Variants in DST observed in about 807,000 individuals in gnomAD.
The protein encoded by DST is dystonin.
A neutral mutation model predicts 875.2 loss-of-function variants in DST; 253 were observed. That is an observed-to-expected ratio of 0.29 (90% CI 0.26 to 0.32). The LOEUF is 0.32. Among genes scored for constraint, DST ranks in the 10% least tolerant of loss-of-function variants. The pLI is 1.00. For synonymous variants in DST, 3,124 were observed against 3,197.1 expected (o/e 0.98, Z 0.77); for missense variants, 8,287 against 9,111.6 (o/e 0.91, Z 3.68).
At chr6:56,735,148 C>T in intron 5 of DST, 80 bp downstream of exon 5, 1 of 933,430 alleles carries the variant, frequency 1.1e-6, no homozygotes, top group Non-Finnish European at 1.7e-6. Flanking sequence ...AGTTGTGCTT[C>T]AGAGCTATAT....
chr6:56,711,613 C>T (rs1434752191), intron 5 of DST, among the ~76,000 whole-genome samples: 1 of 152,088 alleles, frequency 6.6e-6, no homozygotes, highest in African/African-American at 2.4e-5. Flanking sequence ...ATATACTCTG[C>T]ATAGTATATC....
intron 10 of DST, among the ~76,000 whole-genome samples, chr6:56,666,737 C>CTT (rs111274857): frequency 1.4e-5 from 2 of 139,480 alleles, no homozygotes; most frequent in African/African-American, 2.6e-5. Flanking sequence ...AAAAACTACT[C>CTT]TTTTTTTTTT....
In DST at chr6:56,541,037, G is replaced by A. The variant is rs768146237; in HGVS notation, c.16609-4097C>T. 2.0e-4 allele frequency: 30 copies of A among 152,760 alleles called. No individual in the cohort carries two copies. The South Asian group carries it at 3.1e-3, about 16-fold the overall frequency. 9.5% of individuals were successfully genotyped at this position (152,760 alleles called of 1,614,324 possible). A position where few individuals can be genotyped will look rare whatever the true frequency, so the allele number is the denominator to read the frequency against. Reference sequence around the variant, plus strand: ...AGAGTCATCCTCCTCCGAAGTGAGAGAATTAGTACCCCATCTGCACTTGCT... The same window carrying A: ...AGAGTCATCCTCCTCCGAAGTGAGAAAATTAGTACCCCATCTGCACTTGCT... On this transcript the variant is annotated intron_variant, in intron 61 of 103. Transcript: ENST00000680361.
At chr6:56,497,689 C>G in intron 81 of DST, 167 bp downstream of exon 81, 1 of 951,996 alleles carries the variant, frequency 1.1e-6, no homozygotes, top group Non-Finnish European at 1.5e-6. Context: ...ATGCTAAGAA[C>G]TAGAAAGCTG....
At chr6:56,543,179 T>C (rs998104832) in intron 61 of DST, among the ~76,000 whole-genome samples, 3 of 152,198 alleles carry the variant, frequency 2.0e-5, no homozygotes, top group African/African-American at 7.2e-5. Context: ...GAATACTAAA[T>C]GGGAAAAGGG....
rs775592381 is a variant in DST, at chr6:56,492,286, C to A, written c.20698G>T (p.Val6900Phe). 2.5e-5 allele frequency: 41 copies of A among 1,613,720 alleles called. No homozygotes were observed. Among genetic ancestry groups the A allele is most frequent in the Non-Finnish European group, 3.2e-5 (38 of 1,179,794 alleles). Reference sequence around the variant, plus strand: ...CTTCCTCTCTCTACCAACCGTTGAACCACTTTTTCCCATCGACTTTGTACA... The same window carrying A: ...CTTCCTCTCTCTACCAACCGTTGAAACACTTTTTCCCATCGACTTTGTACA... The part of the protein sequence containing the change: ...ISVQSRWEKV[V>F]QRLVERGRSL... Residue 6900 changes from valine to phenylalanine, a missense_variant, in exon 85 of 104, where the codon GTT becomes TTT. By Grantham distance (50) the Val-to-Phe change is conservative. This residue lies in a region of DST where 1,292 missense variants were observed against 1,552.7 expected (regional missense o/e 0.83). Coordinates refer to ENST00000680361, the MANE Select transcript of DST (RefSeq NM_001374736.1).
chr6:56,680,756 C>CT (rs2099153254), intron 9 of DST, among the ~76,000 whole-genome samples: 1 of 152,174 alleles, frequency 6.6e-6, no homozygotes, highest in South Asian at 2.1e-4. Context: ...TGGATCATCT[C>CT]TACCACAATG....
In DST at chr6:56,722,174, T is replaced by A. The variant is rs932516653; in HGVS notation, c.687+13054A>T. On this transcript the variant is annotated intron_variant, in intron 5 of 103. Transcript: ENST00000680361. Reference sequence around the variant, plus strand: ...ACAGGCCATAGTCTGTAGACCCCTGTCCAAAGGCTCCTTGGTTAGAATGCA... The same window carrying A: ...ACAGGCCATAGTCTGTAGACCCCTGACCAAAGGCTCCTTGGTTAGAATGCA... Among the ~76,000 whole-genome samples the A allele has an allele frequency of 3.3e-5, 5 of 152,056 alleles. No individual in the cohort carries two copies. The East Asian group carries it at 9.6e-4, about 29-fold the overall frequency.
At chr6:56,576,361 G>A (rs181545491) in intron 50 of DST, among the ~76,000 whole-genome samples, 1 of 152,162 alleles carries the variant, frequency 6.6e-6, no homozygotes, top group East Asian at 1.9e-4. Flanking sequence ...CGTGAGAAGG[G>A]TCATGGGAAT....
chr6:56,476,510 A>G (rs1385696407), intron 91 of DST, among the ~76,000 whole-genome samples, 173 bp from the exon 92 acceptor site: 1 of 152,230 alleles, frequency 6.6e-6, no homozygotes, highest in African/African-American at 2.4e-5. Context: ...TGAGGAGGAC[A>G]TGAGAGCCCA....
In DST at chr6:56,607,950, C is replaced by T. The variant is rs1455988303; in HGVS notation, c.6678G>A (p.Leu2226=). ...GQRLLLYDGD[L]DEAVGMLLEG... ...CCAGTAGCATGCCAACAGCCTCATC[C>T]AAGTCTCCATCGTACAGCAAAAGCC... Residue 2226 remains leucine (L), a synonymous_variant, in exon 40 of 104, where the codon TTG becomes TTA. Transcript: ENST00000680361. The T allele has an allele frequency of 1.2e-6, 2 of 1,613,654 alleles. No homozygotes were observed. The highest frequency in any genetic ancestry group is 8.5e-7 in the Non-Finnish European group (1 of 1,179,734).
chr6:56,754,368 G>T (rs2099596490), intron 4 of DST, among the ~76,000 whole-genome samples: 1 of 152,104 alleles, frequency 6.6e-6, no homozygotes, highest in African/African-American at 2.4e-5. Context: ...CTGCGATGGG[G>T]TCTGTGTGAC....
rs1379049817 is a variant in DST at position 56,895,860 on chromosome 6, A to AT, written c.417+4560_417+4561insA. Among the ~76,000 whole-genome samples the AT allele has an allele frequency of 3.6e-4, 6 of 16,578 alleles. 1 individual carries two copies. The highest frequency in any genetic ancestry group is 2.0e-3 in the Admixed American group (4 of 2,040). 10.9% of individuals were successfully genotyped at this position (16,578 alleles called of 152,430 possible). A position where few individuals can be genotyped will look rare whatever the true frequency, so the allele number is the denominator to read the frequency against. ...CGAAACCCCATCTCCACCAAAAAAAAACGAAAACCAGTCAGGCGTGGCGGC... is the reference window on the plus strand; with the variant it reads ...CGAAACCCCATCTCCACCAAAAAAAATACGAAAACCAGTCAGGCGTGGCGGC... On this transcript the variant is annotated intron_variant, in intron 3 of 103. Transcript: ENST00000680361.
chr6:56,692,781 C>T lies in DST; in HGVS notation c.1047+6872G>A. The stretch of plus-strand genomic sequence containing the variant: ...CACTGTCTTTAGCAGGAGAAGTGTT[C>T]ACACAGTCAGACCAACTGCTTACAG... On this transcript the variant is annotated intron_variant, in intron 9 of 103. Coordinates refer to ENST00000680361, the MANE Select transcript of DST (RefSeq NM_001374736.1). The T allele has an allele frequency of 3.9e-6, 5 of 1,289,808 alleles. No homozygotes were observed. The South Asian group carries it at 6.2e-5, about 16-fold the overall frequency. 79.9% of individuals were successfully genotyped at this position (1,289,808 alleles called of 1,614,324 possible). A position where few individuals can be genotyped will look rare whatever the true frequency, so the allele number is the denominator to read the frequency against.
chr6:56,640,672 T>C (rs2098887437), intron 17 of DST, 67 bp from the exon 18 acceptor site: 5 of 1,238,022 alleles, frequency 4.0e-6, no homozygotes, highest in African/African-American at 1.5e-5. Flanking sequence ...TGAACTCTAA[T>C]GTTAATTATA....
Position 56,585,036 on chromosome 6 carries a change from G to A in DST, c.12904-6099C>T, listed in dbSNP as rs1471313391. 1.8e-3 allele frequency among the ~76,000 whole-genome samples: 274 copies of A among 152,192 alleles called. 2 individuals are homozygous for A. The highest frequency in any genetic ancestry group is 4.4e-3 in the Admixed American group (67 of 15,292). On this transcript the variant is annotated intron_variant, in intron 49 of 103. Coordinates refer to ENST00000680361, the MANE Select transcript of DST (RefSeq NM_001374736.1). ...GATTTTTGCATCAATGTTCATCAAG[G>A]ATATTGGTCTAAAATTCTCTTTTTT...
intron 33 of DST, 35 bp from the exon 34 acceptor site, chr6:56,627,322 A>G (rs906805920): frequency 8.1e-5 from 118 of 1,463,074 alleles, no homozygotes; most frequent in Non-Finnish European, 1.1e-4. Flanking sequence ...AAAAATGACA[A>G]GGAATTCAGC....
intron 90 of DST, among the ~76,000 whole-genome samples, chr6:56,480,733 T>C (rs2095373740): frequency 6.6e-6 from 1 of 152,214 alleles, no homozygotes; most frequent in Non-Finnish European, 1.5e-5. Flanking sequence ...ACCCCTGCTC[T>C]GGATACGTGC....
At chr6:56,834,668 G>A (rs551454675) in intron 4 of DST, among the ~76,000 whole-genome samples, 9 of 151,982 alleles carry the variant, frequency 5.9e-5, no homozygotes, top group South Asian at 2.1e-4. Flanking sequence ...ATACCACCAC[G>A]CACCTATCTG....
Sources: gnomAD v4.1 joint callset for allele counts (sites outside exome capture counted in the v4.1 genomes callset) on GRCh38, gnomAD v4.1.1 for gene constraint, gnomAD v4.1.1 regional missense constraint, MANE v1.5 for transcripts, NCBI Gene and HGNC (gene_info 2026-07-23, HGNC 2026-07-21) for gene names.